The following PANK4 variants were observed in gnomAD, a reference collection of about 807,000 sequenced individuals.
The protein encoded by PANK4 is 4'-phosphopantetheine phosphatase.
A neutral mutation model predicts 87.9 loss-of-function variants in PANK4; 40 were observed. The observed-to-expected ratio is 0.46, with a 90% CI of 0.35 to 0.59. The LOEUF (loss-of-function observed/expected upper bound fraction) is 0.59. PANK4 is among the 20% of genes least tolerant of loss of function. The probability of loss-of-function intolerance (pLI) is 0.00; values close to 1 mark genes in which losing one functional copy is unlikely to be tolerated. For missense variants in PANK4, 926 were observed against 1,072.3 expected (o/e 0.86, Z 1.90); for synonymous variants, 524 against 467.4 (o/e 1.12, Z -1.56).
At chr1:2,524,522 C>A (rs188436483) in intron 1 of PANK4, among the ~76,000 whole-genome samples, 2 of 152,162 alleles carry the variant, frequency 1.3e-5, no homozygotes, top group African/African-American at 4.8e-5. Flanking sequence ...GAAATAAATA[C>A]CAGCACTAAA....
At chr1:2,518,493 G>T in intron 8 of PANK4, 23 bp downstream of exon 8, 1 of 1,545,530 alleles carries the variant, frequency 6.5e-7, no homozygotes, top group Non-Finnish European at 8.8e-7. Context: ...ACGCTGCTCA[G>T]GGGCGCCAGC....
chr1:2,524,322 C>CT (rs1343974931), intron 1 of PANK4, among the ~76,000 whole-genome samples: 1 of 152,080 alleles, frequency 6.6e-6, no homozygotes, highest in African/African-American at 2.4e-5. Flanking sequence ...GAGAAGCCTG[C>CT]TTTTAAACAA....
rs758079441 is a variant in PANK4 at position 2,509,812 on chromosome 1, G to C, written c.2108+50C>G. On this transcript the variant is annotated intron_variant, in intron 18 of 18. Coordinates refer to ENST00000378466, the MANE Select transcript of PANK4 (RefSeq NM_018216.4). The surrounding 1 kb of genome is among the most constrained non-coding windows in gnomAD (Gnocchi z 4.9). ...CACCTGGGTGCAGGTGCACGGCACA[G>C]AGGGCACAGAGCCCAGGAGGGAGAG... is the stretch of plus-strand genomic sequence containing the variant. 5 of 1,526,372 alleles carry C rather than the reference G, an allele frequency of 3.3e-6. No homozygotes were observed. The East Asian group carries it at 1.1e-4, about 34-fold the overall frequency. 94.6% of individuals were successfully genotyped at this position (1,526,372 alleles called of 1,614,324 possible). A position where few individuals can be genotyped will look rare whatever the true frequency, so the allele number is the denominator to read the frequency against.
At position 2,520,494 on chromosome 1, in the gene PANK4, C is replaced by G. The variant is rs1348097103; in HGVS notation, c.607-80G>C. 1.1e-5 allele frequency: 9 copies of G among 818,040 alleles called. No homozygotes were observed. The Admixed American group carries it at 1.4e-4, about 13-fold the overall frequency. 50.7% of individuals were successfully genotyped at this position (818,040 alleles called of 1,614,324 possible). ...CCCCCGCCCCCCGCCCCATGTGCTG[C>G]GCTGGGGTGAACCCCGCCCCCACCC... On this transcript the variant is annotated intron_variant, in intron 4 of 18. Coordinates refer to ENST00000378466, the MANE Select transcript of PANK4 (RefSeq NM_018216.4). This position sits in a 1 kb window ranked among gnomAD's most constrained non-coding sequence, Gnocchi z 6.2.
At chr1:2,511,873 G>C (rs1025361796) in intron 13 of PANK4, among the ~76,000 whole-genome samples, 190 bp from the exon 14 acceptor site, 1 of 152,054 alleles carries the variant, frequency 6.6e-6, no homozygotes, top group East Asian at 1.9e-4. Flanking sequence ...CTCCCAGGCA[G>C]GACAGAGGCA....
intron 10 of PANK4, 57 bp from the exon 11 acceptor site, chr1:2,514,523 CCCA>C (rs1437844658): frequency 1.2e-5 from 15 of 1,304,230 alleles, no homozygotes; most frequent in Middle Eastern, 2.4e-4. Flanking sequence ...CTTGCGAATC[CCCA>C]CGTGACAGCA....
chr1:2,519,099 G>C lies in PANK4; in HGVS notation c.1035+44C>G. 6.4e-7 allele frequency: 1 copy of C among 1,555,248 alleles called. No individual in the cohort carries two copies. Among genetic ancestry groups the C allele is most frequent in the Non-Finnish European group, 8.8e-7 (1 of 1,135,212 alleles). ...CAGCATGACTGATTGGGAAGATCCT[G>C]GGGGGTCTGCGTTAGAGGCTGGGGA... On this transcript the variant is annotated intron_variant, in intron 7 of 18. Transcript: ENST00000378466. The surrounding 1 kb of genome is among the most constrained non-coding windows in gnomAD (Gnocchi z 8.3).
rs2100773741 is a variant in PANK4, at chr1:2,512,913, C to T, written c.1702G>A (p.Asp568Asn). The T allele has an allele frequency of 6.2e-7, 1 of 1,612,824 alleles. No homozygotes were observed. The highest frequency in any genetic ancestry group is 8.5e-7 in the Non-Finnish European group (1 of 1,179,886). ...GCAGACACGGCTTTGGCCCCCCAGT[C>T]GAAGACATTCCCCGCCAGGAGGCCT... ...VKGLLAGNVF[D>N]WGAKAVSAVL... The change falls in exon 13 of 19, where the codon GAC becomes AAC. Residue 568 changes from aspartate to asparagine, a missense_variant. By Grantham distance (23) the Asp-to-Asn change is conservative. Transcript: ENST00000378466.
chr1:2,510,579 G>T lies in PANK4; in HGVS notation c.1938+99C>A. 1 of 746,648 alleles carries T rather than the reference G, an allele frequency of 1.3e-6. No individual in the cohort carries two copies. Among genetic ancestry groups the T allele is most frequent in the Non-Finnish European group, 2.4e-6 (1 of 424,808 alleles). 46.3% of individuals were successfully genotyped at this position (746,648 alleles called of 1,614,324 possible). ...TGCCTGCACCTACCTGCTGCGTCCG[G>T]AGGAGCCCCGACCACCGCCAGAGGC... is the stretch of plus-strand genomic sequence containing the variant. On this transcript the variant is annotated intron_variant, in intron 16 of 18. Transcript: ENST00000378466. This position sits in a 1 kb window ranked among gnomAD's most constrained non-coding sequence, Gnocchi z 4.9.
In PANK4 at chr1:2,526,514, T is replaced by C. The variant is rs1467689356; in HGVS notation, c.74A>G (p.Asp25Gly). The C allele has an allele frequency of 6.3e-6, 10 of 1,586,516 alleles. No homozygotes were observed. Among genetic ancestry groups the C allele is most frequent in the African/African-American group, 1.4e-5 (1 of 72,228 alleles). The change falls in exon 1 of 19, where the codon GAC becomes GGC. Residue 25 changes from aspartate to glycine, a missense_variant. Physicochemically the swap from Asp to Gly is moderately conservative, Grantham distance 94. Transcript: ENST00000378466. ...SLDKSITLPP[D>G]EIFRNLENAK... ...GTTCTCCAGGTTGCGGAAGATCTCG[T>C]CGGGGGGCAGCGTGATGCTCTTGTC...
Position 2,510,577 on chromosome 1 carries a change from C to A in PANK4, c.1938+101G>T. 1 of 739,568 alleles carries A rather than the reference C, an allele frequency of 1.4e-6. No homozygotes were observed. The allele number at this position is 739,568 out of a possible 1,614,324, so 45.8% of individuals were successfully genotyped here. On this transcript the variant is annotated intron_variant, in intron 16 of 18. Transcript: ENST00000378466. The surrounding 1 kb of genome is among the most constrained non-coding windows in gnomAD (Gnocchi z 4.9). ...GCTGCCTGCACCTACCTGCTGCGTCCGGAGGAGCCCCGACCACCGCCAGAG... is the reference window on the plus strand; with the variant it reads ...GCTGCCTGCACCTACCTGCTGCGTCAGGAGGAGCCCCGACCACCGCCAGAG...
rs946736117 is a variant in PANK4, at chr1:2,508,688, C to T, written c.*159G>A. 5.7e-5 allele frequency: 33 copies of T among 583,992 alleles called. No homozygotes were observed. The highest frequency in any genetic ancestry group is 4.3e-4 in the African/African-American group (23 of 53,608). The allele number at this position is 583,992 out of a possible 1,614,324, so 36.2% of individuals were successfully genotyped here. A position where few individuals can be genotyped will look rare whatever the true frequency, so the allele number is the denominator to read the frequency against. On this transcript the variant is annotated 3_prime_UTR_variant, in exon 19 of 19. Coordinates refer to ENST00000378466, the MANE Select transcript of PANK4 (RefSeq NM_018216.4). This position sits in a 1 kb window ranked among gnomAD's most constrained non-coding sequence, Gnocchi z 5.1. ...ATGAACGTCTCCCAGGACAAAGCTG[C>T]GTCTCGCCTCTGGGTCACACGCATC...
chr1:2,509,019 C>G lies in PANK4; in HGVS notation c.2150G>C (p.Gly717Ala). ...GCCCTCGATGACCACCAGATCCGCG[C>G]CACGCTCCCGCACCAGTGCGGCCAG... is the stretch of plus-strand genomic sequence containing the variant. ...KGLAALVRER[G>A]ADLVVIEGMG... is the part of the protein sequence containing the mutation. Residue 717 changes from glycine (G) to alanine (A), a missense_variant, in exon 19 of 19, where the codon GGC becomes GCC. Transcript: ENST00000378466. The surrounding 1 kb of genome is among the most constrained non-coding windows in gnomAD (Gnocchi z 4.9). 2 of 1,604,196 alleles carry G rather than the reference C, an allele frequency of 1.2e-6. No homozygotes were observed. The highest frequency in any genetic ancestry group is 1.7e-6 in the Non-Finnish European group (2 of 1,179,602).
rs3001343 is a variant in PANK4 at position 2,512,138 on chromosome 1, C to T, written c.1728-455G>A. Among the ~76,000 whole-genome samples, 1,497 of 152,240 alleles carry T rather than the reference C, an allele frequency of 9.8e-3. 26 individuals carry two copies. The highest frequency in any genetic ancestry group is 0.034 in the African/African-American group (1,403 of 41,538). On this transcript the variant is annotated intron_variant, in intron 13 of 18. Coordinates refer to ENST00000378466, the MANE Select transcript of PANK4 (RefSeq NM_018216.4). ...TCCCTGTGCTTGGCACCCATGCAGG[C>T]GGTGTGGGGAGCCCCCAGCCACAAG...
chr1:2,509,731 C>T lies in PANK4; in HGVS notation c.2108+131G>A, dbSNP rs961352377. 4.6e-5 allele frequency: 35 copies of T among 762,440 alleles called. No individual in the cohort carries two copies. The highest frequency in any genetic ancestry group is 3.8e-4 in the Middle Eastern group (1 of 2,658). 47.2% of individuals were successfully genotyped at this position (762,440 alleles called of 1,614,324 possible). On this transcript the variant is annotated intron_variant, in intron 18 of 18. Transcript: ENST00000378466. The surrounding 1 kb of genome is among the most constrained non-coding windows in gnomAD (Gnocchi z 4.9). ...TATCTGTCCCCTCCTGAGATCAATCCGGGCCTGGGGTCAGGAGAGGCCGCA... is the reference window on the plus strand; with the variant it reads ...TATCTGTCCCCTCCTGAGATCAATCTGGGCCTGGGGTCAGGAGAGGCCGCA...
chr1:2,514,025 T>G lies in PANK4; in HGVS notation c.1552A>C (p.Asn518His). ...ACTTTGGAGTAGGGATCCGGGAAGT[T>G]GAACTCGTTCAGACAGTGCTCCCTG... is the stretch of plus-strand genomic sequence containing the variant. ...DTREHCLNEF[N>H]FPDPYSKVKQ... The change falls in exon 12 of 19, where the codon AAC becomes CAC. Residue 518 changes from asparagine to histidine, a missense_variant. Coordinates refer to ENST00000378466, the MANE Select transcript of PANK4 (RefSeq NM_018216.4). 1 of 1,612,634 alleles carries G rather than the reference T, an allele frequency of 6.2e-7. No homozygotes were observed. The highest frequency in any genetic ancestry group is 1.1e-5 in the South Asian group (1 of 91,082).
In PANK4 at chr1:2,510,274, G is replaced by A. The variant is rs1006589629; in HGVS notation, c.1939-117C>T. The A allele has an allele frequency of 2.8e-6, 2 of 711,202 alleles. No homozygotes were observed. Among genetic ancestry groups the A allele is most frequent in the Non-Finnish European group, 5.1e-6 (2 of 393,998 alleles). The allele number at this position is 711,202 out of a possible 1,614,324, so 44.1% of individuals were successfully genotyped here. ...GAGGGTGCTGTGCCCAGCGGGCCTG[G>A]CCAGCCACCTGCTGCTGAGGAGCAG... On this transcript the variant is annotated intron_variant, in intron 16 of 18. Transcript: ENST00000378466. This position sits in a 1 kb window ranked among gnomAD's most constrained non-coding sequence, Gnocchi z 4.9.
intron 1 of PANK4, among the ~76,000 whole-genome samples, chr1:2,524,699 G>A (rs1447379344): frequency 3.9e-5 from 6 of 152,246 alleles, no homozygotes; most frequent in Non-Finnish European, 8.8e-5. Flanking sequence ...GGTGAGCCCT[G>A]TTCTCCTGGC....
intron 10 of PANK4, 70 bp from the exon 11 acceptor site, chr1:2,514,536 A>T (rs2100776968): frequency 1.2e-3 from 333 of 277,290 alleles, no homozygotes; most frequent in East Asian, 2.2e-3. Context: ...ACGTGACAGC[A>T]GGGGGCTCGG....
Sources: allele counts gnomAD v4.1 joint callset (sites outside exome capture counted in the v4.1 genomes callset), GRCh38; gene constraint gnomAD v4.1.1; non-coding constraint Gnocchi (gnomAD v3.1); transcripts MANE v1.5; gene names NCBI Gene and HGNC (gene_info 2026-07-23, HGNC 2026-07-21).